The following VWC2L variants were observed in gnomAD, a reference collection of about 807,000 sequenced individuals.
VWC2L encodes the protein von Willebrand factor C domain containing 2 like.
A neutral mutation model predicts 21.6 loss-of-function variants in VWC2L; 10 were observed. The ratio of observed to expected loss-of-function variants is 0.46; its 90% CI spans 0.29 to 0.78. The LOEUF (loss-of-function observed/expected upper bound fraction) is 0.78. Ranked by LOEUF, VWC2L falls within the 30% of genes least tolerant of loss-of-function variation. The pLI, the probability that VWC2L is intolerant of heterozygous loss-of-function variation, is 0.10. For synonymous variants in VWC2L, 96 were observed against 94.3 expected, an observed-to-expected ratio of 1.02 and a Z score of -0.10; for missense variants, 209 against 277.1, an observed-to-expected ratio of 0.75 and a Z score of 1.74.
At chr2:214,482,931 C>T (rs1688627716) in intron 3 of VWC2L, among the ~76,000 whole-genome samples, 1 of 152,106 alleles carries the variant, frequency 6.6e-6, no homozygotes, top group Admixed American at 6.6e-5. Flanking sequence ...ACCATTTGTT[C>T]TAAGAGTACT....
intron 3 of VWC2L, among the ~76,000 whole-genome samples, chr2:214,452,866 T>C (rs1702996719): frequency 1.3e-5 from 2 of 152,246 alleles, no homozygotes; most frequent in South Asian, 4.1e-4. Flanking sequence ...ATATGATATG[T>C]TTCCACCTGT....
intron 3 of VWC2L, among the ~76,000 whole-genome samples, chr2:214,472,430 A>T (rs1017663462): frequency 4.6e-5 from 7 of 152,370 alleles, no homozygotes; most frequent in East Asian, 1.9e-4. Context: ...ATATTTTTTT[A>T]AAATGTGTGT....
At chr2:214,572,242 CAGA>C (rs1690160421) in intron 3 of VWC2L, among the ~76,000 whole-genome samples, 2 of 152,192 alleles carry the variant, frequency 1.3e-5, no homozygotes, top group Admixed American at 1.3e-4. Context: ...TTCTAGACCC[CAGA>C]AGGAGGAGAG....
At chr2:214,430,685 A>G (rs1162345945) in intron 2 of VWC2L, among the ~76,000 whole-genome samples, 1 of 152,182 alleles carries the variant, frequency 6.6e-6, no homozygotes, top group Admixed American at 6.5e-5. Context: ...TTTTTGATAG[A>G]CATGCTGAAA....
intron 3 of VWC2L, among the ~76,000 whole-genome samples, chr2:214,450,204 G>C (rs755725863): frequency 6.6e-6 from 1 of 152,156 alleles, no homozygotes; most frequent in Admixed American, 6.5e-5. Flanking sequence ...AGGAAAGCAC[G>C]TGAGCCTTTC....
intron 2 of VWC2L, 90 bp downstream of exon 2, chr2:214,414,673 TG>T: frequency 7.1e-7 from 1 of 1,403,494 alleles, no homozygotes. Context: ...GTTGGAAAAA[TG>T]TACTTTAAAA....
Position 214,557,887 on chromosome 2 carries a change from A to G in VWC2L, c.521-17785A>G, listed in dbSNP as rs145263572. Among the ~76,000 whole-genome samples, 692 of 152,258 alleles carry G rather than the reference A, an allele frequency of 4.5e-3. 4 individuals carry two copies. The highest frequency in any genetic ancestry group is 0.016 in the African/African-American group (664 of 41,532). On this transcript the variant is annotated intron_variant, in intron 3 of 3. Transcript: ENST00000312504. ...CTCTCCCACCAGATTATTTCTCACC[A>G]GCATTTAAAGATATTTCTCTCTCAT...
At position 214,519,876 on chromosome 2, in the gene VWC2L, T is replaced by C. The variant is rs538520398; in HGVS notation, c.521-55796T>C. On this transcript the variant is annotated intron_variant, in intron 3 of 3. Coordinates refer to ENST00000312504, the MANE Select transcript of VWC2L (RefSeq NM_001080500.4). Reference sequence around the variant, plus strand: ...AATGGTCTATAAATGCAAATCAAGATTTATATATGTGCAAAGAGATACATT... The same window carrying C: ...AATGGTCTATAAATGCAAATCAAGACTTATATATGTGCAAAGAGATACATT... Among the ~76,000 whole-genome samples the C allele has an allele frequency of 4.6e-5, 7 of 152,242 alleles. No homozygotes were observed. The South Asian group carries it at 1.5e-3, about 32-fold the overall frequency.
intron 3 of VWC2L, among the ~76,000 whole-genome samples, chr2:214,560,380 G>A (rs1036934536): frequency 3.9e-5 from 6 of 152,070 alleles, no homozygotes; most frequent in Admixed American, 6.6e-5. Flanking sequence ...GTGGGTGGGC[G>A]TGTCTGTCTG....
At chr2:214,545,314 A>T (rs1205079187) in intron 3 of VWC2L, among the ~76,000 whole-genome samples, 1 of 152,180 alleles carries the variant, frequency 6.6e-6, no homozygotes, top group East Asian at 1.9e-4. Context: ...TTCATTGTTC[A>T]TCTTTAAGTA....
intron 3 of VWC2L, among the ~76,000 whole-genome samples, chr2:214,519,156 G>A (rs1458192233): frequency 5.9e-5 from 9 of 152,250 alleles, no homozygotes; most frequent in South Asian, 4.2e-4. Context: ...GGGAGGAAAC[G>A]CAGAGATTCA....
intron 3 of VWC2L, among the ~76,000 whole-genome samples, chr2:214,546,963 C>T (rs1017833072): frequency 8.5e-5 from 13 of 152,132 alleles, no homozygotes; most frequent in Admixed American, 5.2e-4. Context: ...TTCTATGCCA[C>T]GTACTGAGTG....
rs1690234134 is a variant in VWC2L, at chr2:214,576,622, T to A, written c.*802T>A. ...AAATTGTAGCATTAATCATCAGACTTTTTCATGATGTGAAATTTGAGTTTG... is the reference window on the plus strand; with the variant it reads ...AAATTGTAGCATTAATCATCAGACTATTTCATGATGTGAAATTTGAGTTTG... On this transcript the variant is annotated 3_prime_UTR_variant, in exon 4 of 4. Transcript: ENST00000312504. 1.3e-5 allele frequency: 2 copies of A among 152,180 alleles called. No homozygotes were observed. The highest frequency in any genetic ancestry group is 3.8e-4 in the East Asian group (2 of 5,202). 9.4% of individuals were successfully genotyped at this position (152,180 alleles called of 1,614,324 possible).
intron 3 of VWC2L, among the ~76,000 whole-genome samples, chr2:214,525,994 A>G (rs1689327674): frequency 6.6e-6 from 1 of 152,008 alleles, no homozygotes; most frequent in East Asian, 1.9e-4. Context: ...TTCTATATGT[A>G]TATATGTTCT....
intron 3 of VWC2L, among the ~76,000 whole-genome samples, chr2:214,563,884 G>A (rs1475945340): frequency 1.3e-5 from 2 of 152,118 alleles, no homozygotes; most frequent in Non-Finnish European, 2.9e-5. Context: ...CAAATAGCAA[G>A]AGAGGAAGTC....
chr2:214,516,319 T>C (rs1689142862), intron 3 of VWC2L, among the ~76,000 whole-genome samples: 1 of 152,110 alleles, frequency 6.6e-6, no homozygotes, highest in South Asian at 2.1e-4. Context: ...CCTCATCCCC[T>C]GCCTCCTAAG....
At chr2:214,566,073 A>C (rs1223762305) in intron 3 of VWC2L, among the ~76,000 whole-genome samples, 2 of 152,320 alleles carry the variant, frequency 1.3e-5, no homozygotes, top group East Asian at 3.9e-4. Context: ...GTGATTTGAA[A>C]ATCATTAAAA....
intron 3 of VWC2L, among the ~76,000 whole-genome samples, chr2:214,457,912 T>C (rs1245780943): frequency 6.6e-6 from 1 of 152,162 alleles, no homozygotes; most frequent in African/African-American, 2.4e-5. Flanking sequence ...TCAGGGATAT[T>C]GACCTGTAGT....
chr2:214,532,703 C>T (rs1234181289), intron 3 of VWC2L, among the ~76,000 whole-genome samples: 1 of 152,086 alleles, frequency 6.6e-6, no homozygotes, highest in African/African-American at 2.4e-5. Context: ...AAGCAAAAAA[C>T]CTGATAATGG....
Sources: gnomAD v4.1 joint callset for allele counts (sites outside exome capture counted in the v4.1 genomes callset) on GRCh38, gnomAD v4.1.1 for gene constraint, MANE v1.5 for transcripts, NCBI Gene and HGNC (gene_info 2026-07-23, HGNC 2026-07-21) for gene names.